GRID1: variants seen among roughly 807,000 people sequenced by gnomAD.
GRID1 encodes glutamate receptor ionotropic, delta-1.
In GRID1, 28 loss-of-function variants were observed where a neutral mutation model predicts 98.0. The ratio of observed to expected loss-of-function variants is 0.29; its 90% CI spans 0.21 to 0.39. GRID1 has a LOEUF of 0.39. Among genes scored for constraint, GRID1 ranks in the 10% least tolerant of loss-of-function variants. The pLI is 1.00. For synonymous variants in GRID1, 553 were observed against 538.5 expected, an observed-to-expected ratio of 1.03 and a Z score of -0.37; for missense variants, 1,111 against 1,340.5, an observed-to-expected ratio of 0.83 and a Z score of 2.67.
chr10:86,248,604 G>A (rs528363468), intron 2 of GRID1, among the ~76,000 whole-genome samples: 1 of 131,844 alleles, frequency 7.6e-6, no homozygotes, highest in African/African-American at 3.0e-5. Flanking sequence ...TTGAGACAAG[G>A]TCTCACTCTG....
At chr10:85,698,827 T>C (rs1564563361) in intron 12 of GRID1, among the ~76,000 whole-genome samples, 1 of 152,198 alleles carries the variant, frequency 6.6e-6, no homozygotes, top group Admixed American at 6.5e-5. Context: ...ATTGGCGTCT[T>C]GGATTGTGGC....
At chr10:85,673,794 T>A (rs1042359881) in intron 12 of GRID1, among the ~76,000 whole-genome samples, 1 of 152,244 alleles carries the variant, frequency 6.6e-6, no homozygotes, top group East Asian at 1.9e-4. Flanking sequence ...ATTGAGATGA[T>A]CTGGACTTGA....
intron 4 of GRID1, among the ~76,000 whole-genome samples, chr10:86,103,706 G>T (rs1368020734): frequency 6.6e-6 from 1 of 152,184 alleles, no homozygotes; most frequent in Non-Finnish European, 1.5e-5. Flanking sequence ...TTGCCACAGT[G>T]GGGGGCCCTT....
chr10:85,816,301 A>C (rs1842715470), intron 8 of GRID1, among the ~76,000 whole-genome samples: 1 of 152,220 alleles, frequency 6.6e-6, no homozygotes, highest in African/African-American at 2.4e-5. Flanking sequence ...TTGAATGGAT[A>C]AACAAACCCT....
At chr10:85,988,869 G>A (rs1263295539) in intron 4 of GRID1, among the ~76,000 whole-genome samples, 1 of 152,234 alleles carries the variant, frequency 6.6e-6, no homozygotes, top group African/African-American at 2.4e-5. Context: ...CTCCCATGAA[G>A]GAAGAAGTCT....
intron 2 of GRID1, among the ~76,000 whole-genome samples, chr10:86,334,799 C>T (rs537838585): frequency 6.6e-6 from 1 of 152,310 alleles, no homozygotes; most frequent in South Asian, 2.1e-4. Context: ...GAGGATGTGG[C>T]CGGGTCTGCA....
At chr10:85,854,029 G>A (rs1843085493) in intron 8 of GRID1, among the ~76,000 whole-genome samples, 1 of 152,156 alleles carries the variant, frequency 6.6e-6, no homozygotes, top group South Asian at 2.1e-4. Context: ...GCTGGCCTCT[G>A]GCATTTTCCA....
intron 8 of GRID1, among the ~76,000 whole-genome samples, chr10:85,849,264 C>A: frequency 6.6e-6 from 1 of 152,262 alleles, no homozygotes. Context: ...GGTCCTATGG[C>A]GTGGCAATCC....
At chr10:86,176,953 CCAAGA>C (rs1845583827) in intron 3 of GRID1, among the ~76,000 whole-genome samples, 1 of 151,980 alleles carries the variant, frequency 6.6e-6, no homozygotes, top group Non-Finnish European at 1.5e-5. Flanking sequence ...ATGTCACCAG[CCAAGA>C]CAAAAGTAGA....
chr10:85,619,508 G>A (rs925914500), intron 14 of GRID1, among the ~76,000 whole-genome samples: 1 of 152,118 alleles, frequency 6.6e-6, no homozygotes, highest in Non-Finnish European at 1.5e-5. Context: ...CAGCTTCAGG[G>A]GTGTCCCCTC....
chr10:86,113,847 AC>A (rs1844529472), intron 4 of GRID1, among the ~76,000 whole-genome samples: 1 of 152,174 alleles, frequency 6.6e-6, no homozygotes, highest in African/African-American at 2.4e-5. Context: ...GCCCAAGAAC[AC>A]CCATCCAGAA....
intron 4 of GRID1, among the ~76,000 whole-genome samples, chr10:86,026,649 C>G (rs1319075941): frequency 2.0e-5 from 3 of 152,256 alleles, no homozygotes; most frequent in African/African-American, 7.2e-5. Flanking sequence ...AGCTTCTACT[C>G]TTTGCCAGAC....
chr10:85,681,379 A>C (rs2132597049), intron 12 of GRID1, among the ~76,000 whole-genome samples: 1 of 152,306 alleles, frequency 6.6e-6, no homozygotes, highest in Admixed American at 6.5e-5. Context: ...AGCAGATATT[A>C]GTATTCTTCA....
chr10:85,673,708 T>C (rs1308852690), intron 12 of GRID1, among the ~76,000 whole-genome samples: 2 of 152,250 alleles, frequency 1.3e-5, no homozygotes, highest in Admixed American at 6.5e-5. Flanking sequence ...GACTACAGTA[T>C]AATATAAACA....
intron 13 of GRID1, among the ~76,000 whole-genome samples, chr10:85,622,422 A>C (rs546831398): frequency 2.6e-5 from 4 of 152,254 alleles, no homozygotes; most frequent in South Asian, 4.1e-4. Flanking sequence ...TTTTTAAAAA[A>C]AATATAGACA....
chr10:86,292,179 A>G (rs1564730651), intron 2 of GRID1, among the ~76,000 whole-genome samples: 1 of 152,164 alleles, frequency 6.6e-6, no homozygotes, highest in Non-Finnish European at 1.5e-5. Context: ...GACTCAGGGG[A>G]ACCTGACCAA....
At chr10:85,817,128 T>A (rs1310577355) in intron 8 of GRID1, among the ~76,000 whole-genome samples, 2 of 152,208 alleles carry the variant, frequency 1.3e-5, no homozygotes, top group African/African-American at 4.8e-5. Context: ...GTTGATTCCA[T>A]GTCTTTGCTA....
chr10:86,198,866 C>T (rs1845911194), intron 3 of GRID1, among the ~76,000 whole-genome samples: 1 of 152,074 alleles, frequency 6.6e-6, no homozygotes, highest in Non-Finnish European at 1.5e-5. Context: ...TCTTGGTCCC[C>T]ATGCATGGTT....
chr10:85,711,053 G>C (rs1478793559), intron 12 of GRID1, among the ~76,000 whole-genome samples: 1 of 152,014 alleles, frequency 6.6e-6, no homozygotes, highest in African/African-American at 2.4e-5. Context: ...AGCTGCTGTA[G>C]AAAACTGTAT....
Sources: allele counts gnomAD v4.1 joint callset (sites outside exome capture counted in the v4.1 genomes callset), GRCh38; gene constraint gnomAD v4.1.1; transcripts MANE v1.5; gene names NCBI Gene and HGNC (gene_info 2026-07-23, HGNC 2026-07-21).